Variants in LZTS1 observed in about 807,000 individuals in gnomAD.
LZTS1 encodes leucine zipper tumor suppressor 1.
In LZTS1, 31 loss-of-function variants were observed where a neutral mutation model predicts 45.8. That is an observed-to-expected ratio of 0.68 (90% CI 0.51 to 0.91). LZTS1 has a LOEUF of 0.91. LZTS1 is among the 40% of genes least tolerant of loss of function. The pLI, the probability that LZTS1 is intolerant of heterozygous loss-of-function variation, is 0.00. For synonymous variants in LZTS1, 359 were observed against 357.3 expected, an observed-to-expected ratio of 1.00 and a Z score of -0.05; for missense variants, 821 against 788.9, an observed-to-expected ratio of 1.04 and a Z score of -0.49.
At chr8:20,264,909 C>T (rs1403126605) in intron 1 of LZTS1, among the ~76,000 whole-genome samples, 1 of 152,168 alleles carries the variant, frequency 6.6e-6, no homozygotes, top group Non-Finnish European at 1.5e-5. Context: ...AGAGCAGCCC[C>T]TGATCTACCA....
rs2128892037 is a variant in LZTS1, at chr8:20,253,007, G to C, written c.924C>G (p.Gly308=). The change falls in exon 3 of 4, where the codon GGC becomes GGG. Residue 308 remains glycine, a synonymous_variant. Transcript: ENST00000381569. ...RPRRCRDELE[G]PEPKGGNKLK... ...GCTTGTTGCCGCCTTTGGGCTCCGG[G>C]CCCTCCAGCTCGTCCCTGCAGCGCC... 6.3e-7 allele frequency: 1 copy of C among 1,592,496 alleles called. No homozygotes were observed. Among genetic ancestry groups the C allele is most frequent in the Middle Eastern group, 1.7e-4 (1 of 5,988 alleles).
In LZTS1 at chr8:20,303,651, G is replaced by C. The variant is rs79337058; in HGVS notation, c.-135+89C>G. ...CCGACGGACGCGCGGACGCACGGACGGTCCGGCCCGGCGAGGGGAAAGCGG... is the reference window on the plus strand; with the variant it reads ...CCGACGGACGCGCGGACGCACGGACCGTCCGGCCCGGCGAGGGGAAAGCGG... On this transcript the variant is annotated intron_variant, in intron 1 of 3. Transcript: ENST00000381569. The C allele has an allele frequency of 6.5e-3, 6,289 of 968,330 alleles. 342 individuals are homozygous for C. In the African/African-American group the frequency reaches 0.1, roughly 16 times the overall value. 60.0% of individuals were successfully genotyped at this position (968,330 alleles called of 1,614,324 possible).
intron 1 of LZTS1, among the ~76,000 whole-genome samples, chr8:20,268,891 A>G (rs1046411013): frequency 2.0e-5 from 3 of 152,008 alleles, no homozygotes; most frequent in African/African-American, 7.2e-5. Context: ...GGGTCGAACA[A>G]TCGGAAGCAA....
intron 1 of LZTS1, among the ~76,000 whole-genome samples, chr8:20,303,123 C>T (rs1278701655): frequency 6.6e-6 from 1 of 152,062 alleles, no homozygotes; most frequent in African/African-American, 2.4e-5. Flanking sequence ...CATCCAGGAC[C>T]GACCCCAGGA....
At chr8:20,280,562 GAAATAAA>G (rs1159585919) in intron 1 of LZTS1, among the ~76,000 whole-genome samples, 2 of 152,186 alleles carry the variant, frequency 1.3e-5, no homozygotes, top group Non-Finnish European at 2.9e-5. Flanking sequence ...GAGAACACTT[GAAATAAA>G]AAAGCAGCAC....
At chr8:20,258,062 G>A (rs540606281) in intron 1 of LZTS1, among the ~76,000 whole-genome samples, 98 of 152,258 alleles carry the variant, frequency 6.4e-4, no homozygotes, top group African/African-American at 2.2e-3. Flanking sequence ...GAGAAATTGG[G>A]ATGTCAGTGC....
intron 1 of LZTS1, among the ~76,000 whole-genome samples, chr8:20,302,883 G>T (rs145617468): frequency 1.2e-3 from 177 of 152,226 alleles, no homozygotes; most frequent in African/African-American, 4.0e-3. Flanking sequence ...TTGCTCCACA[G>T]TTCAAACCTT....
At chr8:20,274,662 G>C (rs750832364) in intron 1 of LZTS1, among the ~76,000 whole-genome samples, 19 of 152,166 alleles carry the variant, frequency 1.2e-4, no homozygotes, top group Non-Finnish European at 2.5e-4. Context: ...CCTTGGTGTC[G>C]AGCTTTTCTG....
At chr8:20,275,797 G>A (rs575891693) in intron 1 of LZTS1, 1 of 152,306 alleles carries the variant, frequency 6.6e-6, no homozygotes, top group African/African-American at 2.4e-5. Flanking sequence ...GGAGCTTACT[G>A]CAGTGACTGT....
chr8:20,286,725 G>A (rs532297806), intron 1 of LZTS1, among the ~76,000 whole-genome samples: 2 of 152,142 alleles, frequency 1.3e-5, no homozygotes, highest in African/African-American at 2.4e-5. Flanking sequence ...CAAAATATCC[G>A]GAGACCTAAA....
chr8:20,303,947 GGC>G lies in LZTS1; in HGVS notation c.-344_-343del. On this transcript the variant is annotated 5_prime_UTR_variant, in exon 1 of 4. Coordinates refer to ENST00000381569, the MANE Select transcript of LZTS1 (RefSeq NM_021020.5). ...GGCCGCTGCCAACCCGCCAGCTCCA[GGC>G]GCGCCGGCCTCTGCGCGGGTCCCGG... The G allele has an allele frequency of 1.0e-6, 1 of 976,304 alleles. No individual in the cohort carries two copies. The highest frequency in any genetic ancestry group is 4.7e-5 in the South Asian group (1 of 21,180). 60.5% of individuals were successfully genotyped at this position (976,304 alleles called of 1,614,324 possible). A position where few individuals can be genotyped will look rare whatever the true frequency, so the allele number is the denominator to read the frequency against.
At chr8:20,253,735 C>T (rs1800015169) in intron 2 of LZTS1, 150 bp from the exon 3 acceptor site, 4 of 567,462 alleles carry the variant, frequency 7.0e-6, no homozygotes, top group Non-Finnish European at 1.2e-5. Flanking sequence ...GCAGACCTTG[C>T]CTGTTGCTTT....
At chr8:20,273,564 C>T (rs771229159) in intron 1 of LZTS1, among the ~76,000 whole-genome samples, 15 of 152,138 alleles carry the variant, frequency 9.9e-5, no homozygotes, top group Non-Finnish European at 2.1e-4. Flanking sequence ...AACAGCACAA[C>T]TGTGATCAAG....
intron 1 of LZTS1, among the ~76,000 whole-genome samples, chr8:20,261,964 C>G (rs1182472809): frequency 1.3e-5 from 2 of 152,220 alleles, no homozygotes; most frequent in Non-Finnish European, 2.9e-5. Context: ...CCTCCTTCTC[C>G]CCCTCTCCGT....
intron 1 of LZTS1, among the ~76,000 whole-genome samples, chr8:20,272,228 G>C (rs1318826955): frequency 6.6e-6 from 1 of 152,162 alleles, no homozygotes; most frequent in Non-Finnish European, 1.5e-5. Flanking sequence ...TTTCAGGCTA[G>C]AATGACTGGG....
intron 1 of LZTS1, among the ~76,000 whole-genome samples, chr8:20,261,121 C>T (rs1260668634): frequency 3.3e-5 from 5 of 151,932 alleles, no homozygotes; most frequent in South Asian, 4.2e-4. Flanking sequence ...ACTGGGAGCA[C>T]GTATTTGGGG....
At chr8:20,290,956 A>G (rs966856481) in intron 1 of LZTS1, among the ~76,000 whole-genome samples, 2 of 152,164 alleles carry the variant, frequency 1.3e-5, no homozygotes, top group African/African-American at 4.8e-5. Flanking sequence ...TTCCCGAGGG[A>G]GGACAGAAGC....
intron 1 of LZTS1, among the ~76,000 whole-genome samples, chr8:20,285,807 T>C (rs1402346178): frequency 2.0e-5 from 3 of 152,210 alleles, no homozygotes. Context: ...TAAAACAATG[T>C]GGTATTGATA....
chr8:20,274,665 CTTT>C (rs1008474213), intron 1 of LZTS1, among the ~76,000 whole-genome samples: 2 of 152,174 alleles, frequency 1.3e-5, no homozygotes, highest in Non-Finnish European at 2.9e-5. Flanking sequence ...TGGTGTCGAG[CTTT>C]TCTGCACTCC....
Sources: allele counts gnomAD v4.1 joint callset (sites outside exome capture counted in the v4.1 genomes callset), GRCh38; gene constraint gnomAD v4.1.1; transcripts MANE v1.5; gene names NCBI Gene and HGNC (gene_info 2026-07-23, HGNC 2026-07-21).